EXOC4: variants seen among roughly 807,000 people sequenced by gnomAD.
EXOC4 encodes the protein SEC8-like 1.
In EXOC4, 71 loss-of-function variants were observed where a neutral mutation model predicts 107.2. The observed-to-expected ratio is 0.66, with a 90% CI of 0.55 to 0.81. The LOEUF is 0.81. Ranked by LOEUF, EXOC4 falls within the 30% of genes least tolerant of loss-of-function variation. The pLI is 0.00. For missense variants in EXOC4, 1,108 were observed against 1,189.6 expected (o/e 0.93, Z 1.01); for synonymous variants, 456 against 441.2 (o/e 1.03, Z -0.42).
intron 7 of EXOC4, among the ~76,000 whole-genome samples, chr7:133,389,486 TC>T (rs962176900): frequency 1.4e-5 from 2 of 147,444 alleles, no homozygotes; most frequent in African/African-American, 5.1e-5. Flanking sequence ...GGCAGGAGAA[TC>T]GCTTGAACCC....
At chr7:133,661,961 TTTAATATGC>T (rs1465445062) in intron 10 of EXOC4, among the ~76,000 whole-genome samples, 1 of 152,146 alleles carries the variant, frequency 6.6e-6, no homozygotes, top group East Asian at 1.9e-4. Flanking sequence ...AGCCAGCATT[TTTAATATGC>T]TTAATATGTG....
At chr7:133,903,209 T>G (rs957119823) in intron 12 of EXOC4, among the ~76,000 whole-genome samples, 1 of 152,190 alleles carries the variant, frequency 6.6e-6, no homozygotes, top group African/African-American at 2.4e-5. Flanking sequence ...GGTAAGCCAC[T>G]CTAGGGATGC....
chr7:133,870,072 T>C (rs1380738212), intron 11 of EXOC4, among the ~76,000 whole-genome samples: 1 of 152,198 alleles, frequency 6.6e-6, no homozygotes, highest in Non-Finnish European at 1.5e-5. Flanking sequence ...ATAAGTACTT[T>C]ATAAGTAAAA....
chr7:133,499,078 C>T (rs1799530284), intron 9 of EXOC4, among the ~76,000 whole-genome samples: 1 of 146,276 alleles, frequency 6.8e-6, no homozygotes, highest in Admixed American at 6.9e-5. Flanking sequence ...TTCTTTTATT[C>T]TCTTAACCAT....
intron 9 of EXOC4, among the ~76,000 whole-genome samples, chr7:133,557,479 G>C (rs1170837909): frequency 6.6e-6 from 1 of 152,004 alleles, no homozygotes; most frequent in Non-Finnish European, 1.5e-5. Flanking sequence ...TTAGTGCTTT[G>C]ATTTTGAAAT....
At chr7:133,744,587 G>A (rs1795636744) in intron 10 of EXOC4, among the ~76,000 whole-genome samples, 1 of 152,182 alleles carries the variant, frequency 6.6e-6, no homozygotes, top group South Asian at 2.1e-4. Context: ...GCATTGAAAA[G>A]TTAAGATGAG....
At chr7:133,994,757 TTG>T (rs68167254) in intron 14 of EXOC4, among the ~76,000 whole-genome samples, 99,672 of 148,374 alleles carry the variant, frequency 0.67, 33,482 homozygotes, top group East Asian at 0.85. Context: ...GTACAAGGTT[TTG>T]TGTGTGTGTG....
chr7:134,031,601 G>A (rs1432591278), intron 17 of EXOC4, among the ~76,000 whole-genome samples: 2 of 152,150 alleles, frequency 1.3e-5, no homozygotes, highest in African/African-American at 2.4e-5. Context: ...GTAGAGACAA[G>A]TATTACTAGT....
rs112759153 is a variant in EXOC4, at chr7:133,522,052, G to A, written c.1417+41914G>A. 9.3e-3 allele frequency among the ~76,000 whole-genome samples: 1,420 copies of A among 152,062 alleles called. 30 individuals carry two copies. Among genetic ancestry groups the A allele is most frequent in the African/African-American group, 0.033 (1,366 of 41,478 alleles). ...GTTTATTAAATCAAAATCAGCAAAA[G>A]TATTTCATCAATATTTGTCCTCTTC... On this transcript the variant is annotated intron_variant, in intron 9 of 17. Coordinates refer to ENST00000253861, the MANE Select transcript of EXOC4 (RefSeq NM_021807.4).
At chr7:133,506,178 G>A (rs1286303263) in intron 9 of EXOC4, among the ~76,000 whole-genome samples, 2 of 152,080 alleles carry the variant, frequency 1.3e-5, no homozygotes, top group African/African-American at 4.8e-5. Flanking sequence ...AATTAGGGAG[G>A]ATATATTTCT....
At chr7:133,771,760 GT>G (rs1436440461) in intron 10 of EXOC4, among the ~76,000 whole-genome samples, 1 of 151,868 alleles carries the variant, frequency 6.6e-6, no homozygotes, top group African/African-American at 2.4e-5. Flanking sequence ...ACAAGAAGTT[GT>G]TTTAAATCCA....
the EXOC4 span, among the ~76,000 whole-genome samples, chr7:134,100,679 C>T: frequency 7.6e-6 from 1 of 131,316 alleles, no homozygotes; most frequent in Non-Finnish European, 1.7e-5. Context: ...GGCACGGTGG[C>T]TCACGCATGT....
At chr7:133,347,287 A>G (rs1445614487) in intron 5 of EXOC4, among the ~76,000 whole-genome samples, 3 of 144,948 alleles carry the variant, frequency 2.1e-5, no homozygotes, top group Non-Finnish European at 4.5e-5. Flanking sequence ...TCTCTTGCCC[A>G]GGCTAGAGTG....
chr7:133,630,610 AATACTT>A (rs1802568997), intron 10 of EXOC4, among the ~76,000 whole-genome samples: 1 of 152,180 alleles, frequency 6.6e-6, no homozygotes, highest in African/African-American at 2.4e-5. Context: ...CAAAGCCTGA[AATACTT>A]ATTTTCTGGC....
chr7:133,817,776 G>A (rs530690804), intron 11 of EXOC4, among the ~76,000 whole-genome samples: 2 of 152,056 alleles, frequency 1.3e-5, no homozygotes, highest in South Asian at 4.2e-4. Context: ...GGATATGAGA[G>A]ATGGTGAATC....
At chr7:133,959,051 G>C (rs1013276347) in intron 14 of EXOC4, among the ~76,000 whole-genome samples, 1 of 152,184 alleles carries the variant, frequency 6.6e-6, no homozygotes, top group South Asian at 2.1e-4. Flanking sequence ...ACTAACATCA[G>C]TGGTTCTCCA....
rs780446105 is a variant in EXOC4 at position 133,475,460 on chromosome 7, A to C, written c.1315A>C (p.Asn439His). The change falls in exon 8 of 18, where the codon AAT (asparagine) becomes CAT (histidine). Residue 439 changes from asparagine (N) to histidine (H), a missense_variant. By Grantham distance (68) the Asn-to-His change is moderately conservative. Transcript: ENST00000253861. ...FAKKKPQRPKNSLFKFESSSH... is the reference protein window; with the variant it reads ...FAKKKPQRPKHSLFKFESSSH... The stretch of plus-strand genomic sequence containing the variant: ...CAAGAAGAAACCTCAAAGGCCAAAA[A>C]ATTCTCTTTTCAAGTAAGTATTATT... 3.1e-6 allele frequency: 5 copies of C among 1,613,994 alleles called. No individual in the cohort carries two copies. The highest frequency in any genetic ancestry group is 4.2e-6 in the Non-Finnish European group (5 of 1,179,934).
chr7:133,382,382 A>C (rs1388891439), intron 7 of EXOC4, among the ~76,000 whole-genome samples: 1 of 152,174 alleles, frequency 6.6e-6, no homozygotes, highest in African/African-American at 2.4e-5. Flanking sequence ...CCAACTATGT[A>C]CTGAGTACTG....
chr7:133,324,421 CATTGGTTTCGAAGAACA>C (rs1482514992), intron 5 of EXOC4, among the ~76,000 whole-genome samples: 1 of 152,148 alleles, frequency 6.6e-6, no homozygotes, highest in African/African-American at 2.4e-5. Context: ...TCTTTGTTCT[CATTGGTTTCGAAGAACA>C]TCTTTATTTC....
Sources: allele counts gnomAD v4.1 joint callset (sites outside exome capture counted in the v4.1 genomes callset), GRCh38; gene constraint gnomAD v4.1.1; transcripts MANE v1.5; gene names NCBI Gene and HGNC (gene_info 2026-07-23, HGNC 2026-07-21).